DLG2: variants seen among roughly 807,000 people sequenced by gnomAD.
DLG2 encodes the protein disks large homolog 2.
A neutral mutation model predicts 132.5 loss-of-function variants in DLG2; 45 were observed. That is an observed-to-expected ratio of 0.34 (90% confidence interval 0.27 to 0.44). DLG2 has a LOEUF of 0.44. Among genes scored for constraint, DLG2 ranks in the 20% least tolerant of loss-of-function variants. The pLI is 1.00. For missense variants in DLG2, 1,045 were observed against 1,196.9 expected (o/e 0.87, Z 1.87); for synonymous variants, 424 against 419.6 (o/e 1.01, Z -0.13).
intron 6 of DLG2, among the ~76,000 whole-genome samples, chr11:84,859,437 T>C (rs529453402): frequency 6.9e-6 from 1 of 145,304 alleles, no homozygotes; most frequent in African/African-American, 2.5e-5. Context: ...CATATATATG[T>C]ATATATACAT....
intron 6 of DLG2, among the ~76,000 whole-genome samples, chr11:84,994,950 T>A (rs949035151): frequency 5.9e-5 from 9 of 152,152 alleles, no homozygotes; most frequent in Non-Finnish European, 1.3e-4. Context: ...GGGGTGTGTG[T>A]AAGCACACAG....
At chr11:83,467,590 A>G (rs1039569487) in intron 25 of DLG2, among the ~76,000 whole-genome samples, 3 of 151,336 alleles carry the variant, frequency 2.0e-5, no homozygotes, top group African/African-American at 4.9e-5. Context: ...CTCTGCTAAA[A>G]ATCCAAAAAG....
At chr11:84,114,159 T>TA (rs909078168) in intron 9 of DLG2, among the ~76,000 whole-genome samples, 9 of 151,978 alleles carry the variant, frequency 5.9e-5, no homozygotes, top group Non-Finnish European at 1.3e-4. Context: ...TTATTACTTA[T>TA]AAAAAATTTC....
chr11:84,241,845 A>G (rs1187299936), intron 8 of DLG2, among the ~76,000 whole-genome samples: 1 of 152,210 alleles, frequency 6.6e-6, no homozygotes, highest in African/African-American at 2.4e-5. Flanking sequence ...ACTTTTAAGA[A>G]CAAATTTTTT....
intron 4 of DLG2, among the ~76,000 whole-genome samples, chr11:85,157,460 G>T (rs1175360466): frequency 2.0e-5 from 3 of 152,130 alleles, no homozygotes; most frequent in African/African-American, 7.2e-5. Flanking sequence ...CAAGATGAAT[G>T]CATTTGACAT....
intron 7 of DLG2, among the ~76,000 whole-genome samples, chr11:84,326,341 T>C (rs1228664161): frequency 6.6e-6 from 1 of 152,184 alleles, no homozygotes; most frequent in African/African-American, 2.4e-5. Flanking sequence ...AGATCTTTCT[T>C]CCTTTTAAAT....
intron 6 of DLG2, among the ~76,000 whole-genome samples, chr11:84,789,127 C>A (rs2073410422): frequency 6.6e-6 from 1 of 152,166 alleles, no homozygotes; most frequent in East Asian, 1.9e-4. Context: ...CTGAACTTTC[C>A]TGTAAGGTGG....
chr11:83,581,712 A>G lies in DLG2; in HGVS notation c.1941-39854T>C, dbSNP rs559848487. On this transcript the variant is annotated intron_variant, in intron 19 of 27. Coordinates refer to ENST00000376104, the MANE Select transcript of DLG2 (RefSeq NM_001142699.3). ...TGAAACGATATAACATTGAATCTGG[A>G]GTGTGCCTCAATGTAAAGAGTAAGA... Among the ~76,000 whole-genome samples, 136 of 152,246 alleles carry G rather than the reference A, an allele frequency of 8.9e-4. 1 individual carries two copies. The highest frequency in any genetic ancestry group is 8.9e-3 in the South Asian group (43 of 4,820).
At chr11:83,642,592 C>T (rs1221456884) in intron 18 of DLG2, among the ~76,000 whole-genome samples, 1 of 152,112 alleles carries the variant, frequency 6.6e-6, no homozygotes, top group East Asian at 1.9e-4. Context: ...CATCAAATTT[C>T]AATTTGGCTT....
chr11:85,365,559 T>G (rs1418510193), intron 3 of DLG2, among the ~76,000 whole-genome samples: 1 of 152,182 alleles, frequency 6.6e-6, no homozygotes, highest in Admixed American at 6.5e-5. Flanking sequence ...GAAATACCAT[T>G]TGACCCAGCA....
chr11:84,840,293 C>A (rs1312412730), intron 6 of DLG2, among the ~76,000 whole-genome samples: 1 of 152,066 alleles, frequency 6.6e-6, no homozygotes, highest in Admixed American at 6.6e-5. Flanking sequence ...CAGTGAGATA[C>A]CACTTCACAC....
intron 5 of DLG2, among the ~76,000 whole-genome samples, chr11:85,154,135 GAAAAAAAAA>G (rs34094958): frequency 6.6e-4 from 38 of 57,662 alleles, no homozygotes; most frequent in Non-Finnish European, 9.7e-4. Context: ...TTCTTTTGGA[GAAAAAAAAA>G]AAAAAAAAAA....
intron 15 of DLG2, among the ~76,000 whole-genome samples, chr11:83,912,361 T>A (rs1035440806): frequency 2.6e-5 from 4 of 152,064 alleles, no homozygotes; most frequent in Non-Finnish European, 5.9e-5. Context: ...AAAACCTAGA[T>A]CCAAGGGCTT....
At chr11:83,500,644 G>A (rs912145665) in intron 21 of DLG2, among the ~76,000 whole-genome samples, 2 of 144,190 alleles carry the variant, frequency 1.4e-5, no homozygotes, top group African/African-American at 5.0e-5. Flanking sequence ...GGGGTTATTT[G>A]TTCATTTATT....
At chr11:83,848,202 G>C (rs1473969489) in intron 16 of DLG2, among the ~76,000 whole-genome samples, 1 of 145,476 alleles carries the variant, frequency 6.9e-6, no homozygotes, top group African/African-American at 2.6e-5. Flanking sequence ...TTGTTTGTTT[G>C]CTTGTTGCCC....
intron 5 of DLG2, among the ~76,000 whole-genome samples, chr11:85,123,349 G>A (rs1039455325): frequency 2.0e-5 from 3 of 151,968 alleles, no homozygotes; most frequent in African/African-American, 7.3e-5. Flanking sequence ...AGATAGGAAA[G>A]GTAGGAAGAC....
intron 4 of DLG2, among the ~76,000 whole-genome samples, chr11:85,167,441 G>C (rs1255868020): frequency 6.6e-6 from 1 of 152,142 alleles, no homozygotes; most frequent in African/African-American, 2.4e-5. Flanking sequence ...TGTAGCATTT[G>C]AGAAAACAGC....
At chr11:84,801,176 C>G (rs977746169) in intron 6 of DLG2, among the ~76,000 whole-genome samples, 8 of 152,176 alleles carry the variant, frequency 5.3e-5, no homozygotes, top group Non-Finnish European at 1.2e-4. Flanking sequence ...AAAAACTTCA[C>G]AGTATGTATG....
At chr11:83,755,798 C>T (rs943701379) in intron 18 of DLG2, among the ~76,000 whole-genome samples, 6 of 151,166 alleles carry the variant, frequency 4.0e-5, no homozygotes, top group Admixed American at 1.3e-4. Context: ...GCGGTTACTA[C>T]GCAATTAAGG....
Sources: allele counts gnomAD v4.1 joint callset (sites outside exome capture counted in the v4.1 genomes callset), GRCh38; gene constraint gnomAD v4.1.1; transcripts MANE v1.5; gene names NCBI Gene and HGNC (gene_info 2026-07-23, HGNC 2026-07-21).